Variants in PCDH15 observed in about 807,000 individuals in gnomAD.
PCDH15 encodes the protein protocadherin-15.
A neutral mutation model predicts 178.5 loss-of-function variants in PCDH15; 129 were observed. The ratio of observed to expected loss-of-function variants is 0.72; its 90% CI spans 0.63 to 0.84. The LOEUF is 0.84. Among genes scored for constraint, PCDH15 ranks in the 40% least tolerant of loss-of-function variants. PCDH15 has a pLI of 0.00. For missense variants in PCDH15, 2,230 were observed against 2,099.9 expected, an observed-to-expected ratio of 1.06 and a Z score of -1.21; for synonymous variants, 800 against 732.0, an observed-to-expected ratio of 1.09 and a Z score of -1.50.
chr10:55,093,179 T>C (rs1842358558), intron 2 of PCDH15, among the ~76,000 whole-genome samples: 1 of 152,078 alleles, frequency 6.6e-6, no homozygotes, highest in Non-Finnish European at 1.5e-5. Context: ...GGGCTGTCAA[T>C]TTAAATAAAA....
chr10:55,031,648 T>A (rs113584667), intron 2 of PCDH15, among the ~76,000 whole-genome samples: 5,661 of 152,136 alleles, frequency 0.037, 169 homozygotes, highest in Non-Finnish European at 0.053. Context: ...GAAGGTGAGG[T>A]TTTTTAGAGG....
At position 53,840,386 on chromosome 10, in the gene PCDH15, C is replaced by T. The variant is rs2132761276; in HGVS notation, c.3917G>A (p.Cys1306Tyr). Residue 1306 changes from cysteine (C) to tyrosine (Y), a missense_variant, in exon 29 of 38, where the codon TGT (cysteine) becomes TAT (tyrosine). Cys to Tyr is a radical substitution (Grantham distance 194). Coordinates refer to ENST00000644397, the MANE Select transcript of PCDH15 (RefSeq NM_001384140.1). Reference sequence around the variant, plus strand: ...GTCAATTGCATAGACAGTCAAGTCACATTTGGTGTAATCTTCTAGGGAAAA... The same window carrying T: ...GTCAATTGCATAGACAGTCAAGTCATATTTGGTGTAATCTTCTAGGGAAAA... ...DAFSLEDYTK[C>Y]DLTVYAIDPQ... is the part of the protein sequence containing the mutation. 4 of 1,614,138 alleles carry T rather than the reference C, an allele frequency of 2.5e-6. No individual in the cohort carries two copies. The South Asian group carries it at 3.3e-5, about 13-fold the overall frequency.
At chr10:53,815,073 G>A (rs953110193) in intron 35 of PCDH15, among the ~76,000 whole-genome samples, 1 of 151,838 alleles carries the variant, frequency 6.6e-6, no homozygotes, top group African/African-American at 2.4e-5. Context: ...CACAGTCCCA[G>A]TAGACTGTAA....
chr10:54,301,867 A>T (rs1014138196), intron 8 of PCDH15, among the ~76,000 whole-genome samples: 3 of 152,184 alleles, frequency 2.0e-5, no homozygotes, highest in African/African-American at 7.2e-5. Context: ...AAGAGCTAAT[A>T]TATTTTTTCT....
chr10:54,308,434 C>CT (rs1008864527), intron 8 of PCDH15, among the ~76,000 whole-genome samples: 10 of 151,780 alleles, frequency 6.6e-5, no homozygotes, highest in East Asian at 1.9e-4. Flanking sequence ...TCGACTGTTT[C>CT]TTTTTTTTGC....
intron 3 of PCDH15, among the ~76,000 whole-genome samples, chr10:54,503,264 T>TGAGAGAGA (rs10663998): frequency 3.6e-5 from 5 of 137,378 alleles, no homozygotes; most frequent in Admixed American, 7.6e-5. Flanking sequence ...TGTGTGTGTG[T>TGAGAGAGA]GATTATATAT....
At chr10:53,954,585 T>C (rs1456976299) in intron 23 of PCDH15, among the ~76,000 whole-genome samples, 2 of 152,254 alleles carry the variant, frequency 1.3e-5, no homozygotes, top group Non-Finnish European at 2.9e-5. Flanking sequence ...ATTTTCTTTA[T>C]ATTTTACTTC....
exon 2 of PCDH15, chr10:55,627,720 C>G (rs1037060817): frequency 2.6e-5 from 4 of 152,120 alleles, no homozygotes; most frequent in African/African-American, 7.2e-5. Context: ...GCTTAGGTCC[C>G]GCAGAGAGCT....
chr10:55,341,783 A>T (rs1172386744), intron 2 of PCDH15, among the ~76,000 whole-genome samples: 3 of 13,466 alleles, frequency 2.2e-4, no homozygotes, highest in African/African-American at 5.9e-4. Context: ...ATATATATAT[A>T]TATATATATA....
intron 2 of PCDH15, among the ~76,000 whole-genome samples, chr10:55,536,468 T>C (rs77769001): frequency 1.3e-5 from 2 of 152,038 alleles, no homozygotes. Context: ...TTTCCTCTAC[T>C]GAAAAATTGA....
intron 2 of PCDH15, among the ~76,000 whole-genome samples, chr10:55,382,392 T>G (rs1472855337): frequency 1.3e-5 from 2 of 152,078 alleles, no homozygotes; most frequent in Non-Finnish European, 2.9e-5. Flanking sequence ...TGAAATTAGA[T>G]GAAGGAGACT....
intron 2 of PCDH15, among the ~76,000 whole-genome samples, chr10:55,139,634 T>C (rs1838294064): frequency 6.6e-6 from 1 of 152,082 alleles, no homozygotes; most frequent in Non-Finnish European, 1.5e-5. Context: ...TTTTTCATTC[T>C]GTTCCATCGA....
At chr10:54,036,052 A>T (rs1911395) in intron 18 of PCDH15, among the ~76,000 whole-genome samples, 5 of 151,616 alleles carry the variant, frequency 3.3e-5, no homozygotes, top group Non-Finnish European at 7.4e-5. Flanking sequence ...TGAGAGAGGG[A>T]AGGAAGCTGC....
intron 17 of PCDH15, among the ~76,000 whole-genome samples, chr10:54,073,979 T>C (rs996641107): frequency 3.9e-5 from 6 of 152,168 alleles, no homozygotes; most frequent in African/African-American, 1.4e-4. Context: ...TGAAAAAACT[T>C]TGGTGCTTTG....
At chr10:55,106,527 T>C (rs1460695632) in intron 2 of PCDH15, among the ~76,000 whole-genome samples, 1 of 152,156 alleles carries the variant, frequency 6.6e-6, no homozygotes, top group Non-Finnish European at 1.5e-5. Context: ...GCTATTCTCC[T>C]GCCTCAGCCT....
At chr10:54,584,921 A>G (rs1043849996) in intron 2 of PCDH15, among the ~76,000 whole-genome samples, 1 of 152,184 alleles carries the variant, frequency 6.6e-6, no homozygotes, top group African/African-American at 2.4e-5. Flanking sequence ...AAAAGTAAAG[A>G]CAATGTCAGG....
intron 1 of PCDH15, among the ~76,000 whole-genome samples, chr10:54,684,833 A>T (rs950770711): frequency 6.6e-6 from 1 of 152,006 alleles, no homozygotes. Flanking sequence ...ATTAGAATAG[A>T]ATGTCTGAAA....
At chr10:54,540,128 T>C (rs1305921373) in intron 2 of PCDH15, among the ~76,000 whole-genome samples, 1 of 151,922 alleles carries the variant, frequency 6.6e-6, no homozygotes, top group African/African-American at 2.4e-5. Context: ...AAAAGCTACC[T>C]GAAGAAAATA....
chr10:53,962,278 T>C (rs901677511), intron 21 of PCDH15, among the ~76,000 whole-genome samples: 1 of 152,096 alleles, frequency 6.6e-6, no homozygotes, highest in African/African-American at 2.4e-5. Flanking sequence ...GGCATCACCA[T>C]AGTTCCCCAT....
Sources: allele counts gnomAD v4.1 joint callset (sites outside exome capture counted in the v4.1 genomes callset), GRCh38; gene constraint gnomAD v4.1.1; transcripts MANE v1.5; gene names NCBI Gene and HGNC (gene_info 2026-07-23, HGNC 2026-07-21).